The following ATP8A2 variants were observed in gnomAD, a reference collection of about 807,000 sequenced individuals.
ATP8A2 encodes the protein ATPase phospholipid transporting 8A2, also known as phospholipid-transporting ATPase IB.
A neutral mutation model predicts 165.6 loss-of-function variants in ATP8A2; 100 were observed. The observed-to-expected ratio is 0.60, with a 90% confidence interval of 0.51 to 0.71. The LOEUF (loss-of-function observed/expected upper bound fraction) is 0.71, where lower values mean the gene tolerates loss of function less well. Among genes scored for constraint, ATP8A2 ranks in the 30% least tolerant of loss-of-function variants. The pLI is 0.00. For missense variants in ATP8A2, 1,227 were observed against 1,479.5 expected, an observed-to-expected ratio of 0.83 and a Z score of 2.80; for synonymous variants, 543 against 548.8, an observed-to-expected ratio of 0.99 and a Z score of 0.15.
chr13:25,572,745 C>T (rs2138188891), intron 18 of ATP8A2, among the ~76,000 whole-genome samples: 1 of 152,306 alleles, frequency 6.6e-6, no homozygotes, highest in African/African-American at 2.4e-5. Flanking sequence ...TTCCCTACTC[C>T]TCCATTTGGG....
At chr13:25,757,101 C>T (rs1042118726) in intron 25 of ATP8A2, among the ~76,000 whole-genome samples, 1 of 152,168 alleles carries the variant, frequency 6.6e-6, no homozygotes, top group African/African-American at 2.4e-5. Flanking sequence ...AGACAATACA[C>T]CTACTCTCCA....
chr13:25,781,164 G>A (rs2044868009), intron 27 of ATP8A2, among the ~76,000 whole-genome samples: 1 of 152,092 alleles, frequency 6.6e-6, no homozygotes. Context: ...TCGGGAGGCT[G>A]AGGCAGGAGA....
intron 25 of ATP8A2, among the ~76,000 whole-genome samples, chr13:25,730,713 G>A (rs2043602112): frequency 6.6e-6 from 1 of 152,074 alleles, no homozygotes; most frequent in African/African-American, 2.4e-5. Context: ...TGCTTATTCT[G>A]GAAAAGCTTA....
intron 30 of ATP8A2, among the ~76,000 whole-genome samples, chr13:25,858,008 G>A (rs1297860335): frequency 6.6e-6 from 1 of 152,112 alleles, no homozygotes; most frequent in Non-Finnish European, 1.5e-5. Context: ...TCATAATAGT[G>A]CCTGGCATAA....
chr13:25,480,374 G>A (rs1337691468), intron 2 of ATP8A2, among the ~76,000 whole-genome samples: 47 of 151,946 alleles, frequency 3.1e-4, no homozygotes, highest in African/African-American at 1.0e-3. Context: ...TGGCTGCCGG[G>A]CGGAGGGGCT....
chr13:25,610,031 T>C (rs1040132824), intron 24 of ATP8A2, among the ~76,000 whole-genome samples: 46 of 152,154 alleles, frequency 3.0e-4, no homozygotes, highest in African/African-American at 1.1e-3. Flanking sequence ...ATTGGATGTA[T>C]AGATTGCAAA....
chr13:25,891,794 C>T (rs11616806), intron 33 of ATP8A2, among the ~76,000 whole-genome samples: 53,175 of 152,014 alleles, frequency 0.35, 11,455 homozygotes, highest in East Asian at 0.55. Context: ...AACTGTCCCA[C>T]TTTGGGTAAA....
chr13:25,491,148 T>C lies in ATP8A2; in HGVS notation c.221+22027T>C, dbSNP rs562318211. Among the ~76,000 whole-genome samples, 3 of 152,334 alleles carry C rather than the reference T, an allele frequency of 2.0e-5. No individual in the cohort carries two copies. In the East Asian group the frequency reaches 5.8e-4, roughly 29 times the overall value. On this transcript the variant is annotated intron_variant, in intron 2 of 36. Transcript: ENST00000381655. ...TATTTATTTTATTTACTTTTTCTTT[T>C]TTTTTGAAGTGCTGTTGGACTTGAT...
chr13:25,533,787 G>A (rs1277181078), intron 6 of ATP8A2, among the ~76,000 whole-genome samples: 1 of 152,152 alleles, frequency 6.6e-6, no homozygotes, highest in African/African-American at 2.4e-5. Context: ...CACGTCCCTG[G>A]AAGTATGAGG....
intron 24 of ATP8A2, among the ~76,000 whole-genome samples, chr13:25,609,998 C>A (rs1164234546): frequency 6.6e-6 from 1 of 151,782 alleles, no homozygotes; most frequent in Middle Eastern, 3.2e-3. Context: ...GAGTTCCTTG[C>A]AGATTCTGGA....
At chr13:25,609,562 G>GAGTCAAATATATATATATAT (rs1315233394) in intron 24 of ATP8A2, among the ~76,000 whole-genome samples, 4 of 145,710 alleles carry the variant, frequency 2.7e-5, no homozygotes, top group East Asian at 2.0e-4. Context: ...TATATATTTG[G>GAGTCAAATATATATATATAT]ATTCAAATAT....
At chr13:25,595,716 CTT>C (rs1358047379) in intron 24 of ATP8A2, among the ~76,000 whole-genome samples, 2 of 152,078 alleles carry the variant, frequency 1.3e-5, no homozygotes, top group Non-Finnish European at 2.9e-5. Flanking sequence ...GTGGTAGTCT[CTT>C]TGTTTATCCT....
chr13:25,714,048 A>G (rs1267850486), intron 25 of ATP8A2, among the ~76,000 whole-genome samples: 1 of 152,110 alleles, frequency 6.6e-6, no homozygotes, highest in African/African-American at 2.4e-5. Context: ...TTCTGTGGCT[A>G]TCCTTAACTA....
intron 27 of ATP8A2, among the ~76,000 whole-genome samples, chr13:25,813,563 G>A (rs984075535): frequency 2.9e-5 from 3 of 105,054 alleles, no homozygotes; most frequent in South Asian, 3.0e-4. Context: ...ATGATGATAC[G>A]ATATAATATG....
At chr13:25,652,525 A>C (rs1428531706) in intron 24 of ATP8A2, among the ~76,000 whole-genome samples, 2 of 152,176 alleles carry the variant, frequency 1.3e-5, no homozygotes, top group African/African-American at 4.8e-5. Context: ...CTTTCTCCTC[A>C]AAAAATTTAG....
chr13:25,659,774 T>A (rs561089971), intron 24 of ATP8A2, among the ~76,000 whole-genome samples: 1 of 152,196 alleles, frequency 6.6e-6, no homozygotes, highest in Non-Finnish European at 1.5e-5. Context: ...CGTGAAGCTT[T>A]CCCTTGCCAG....
intron 33 of ATP8A2, among the ~76,000 whole-genome samples, chr13:25,926,083 G>C (rs1034169226): frequency 6.6e-6 from 1 of 152,140 alleles, no homozygotes; most frequent in African/African-American, 2.4e-5. Flanking sequence ...GTGGATCTGA[G>C]TGTATTTTTA....
rs531892943 is a variant in ATP8A2, at chr13:25,886,820, G to A, written c.3183+24412G>A. Among the ~76,000 whole-genome samples, 5 of 152,282 alleles carry A rather than the reference G, an allele frequency of 3.3e-5. No individual in the cohort carries two copies. The South Asian group carries it at 1.0e-3, about 32-fold the overall frequency. On this transcript the variant is annotated intron_variant, in intron 33 of 36. Coordinates refer to ENST00000381655, the MANE Select transcript of ATP8A2 (RefSeq NM_016529.6). ...GAAATGGTGAGAAAAACATGAGGTG[G>A]CTTCCACTCTGCAAGCCCTTAGTAC... is the stretch of plus-strand genomic sequence containing the variant.
intron 27 of ATP8A2, among the ~76,000 whole-genome samples, chr13:25,812,152 A>G (rs1219214616): frequency 6.7e-6 from 1 of 149,968 alleles, no homozygotes; most frequent in African/African-American, 2.5e-5. Flanking sequence ...TTTCTTGTTC[A>G]GGTTTCAGTT....
Sources: allele counts gnomAD v4.1 joint callset (sites outside exome capture counted in the v4.1 genomes callset), GRCh38; gene constraint gnomAD v4.1.1; transcripts MANE v1.5; gene names NCBI Gene and HGNC (gene_info 2026-07-23, HGNC 2026-07-21).